SPTAN1: variants seen among roughly 807,000 people sequenced by gnomAD.
The protein encoded by SPTAN1 is spectrin alpha, non-erythrocytic 1.
A neutral mutation model predicts 331.3 loss-of-function variants in SPTAN1; 61 were observed. That is an observed-to-expected ratio of 0.18 (90% confidence interval 0.15 to 0.23). SPTAN1 has a LOEUF of 0.23. SPTAN1 is among the 10% of genes least tolerant of loss of function. SPTAN1 has a pLI of 1.00. For synonymous variants in SPTAN1, 1,153 were observed against 1,173.9 expected, an observed-to-expected ratio of 0.98 and a Z score of 0.36; for missense variants, 2,043 against 3,147.9, an observed-to-expected ratio of 0.65 and a Z score of 8.40.
At position 128,577,216 on chromosome 9, in the gene SPTAN1, G is replaced by A. The variant is rs891278524; in HGVS notation, c.873G>A (p.Gln291=). The A allele has an allele frequency of 1.9e-6, 3 of 1,614,078 alleles. No homozygotes were observed. Among genetic ancestry groups the A allele is most frequent in the South Asian group, 1.1e-5 (1 of 91,090 alleles). The change falls in exon 7 of 57, where the codon CAG becomes CAA. Residue 291 remains glutamine (Q), a synonymous_variant. Coordinates refer to ENST00000372739, the MANE Select transcript of SPTAN1 (RefSeq NM_001130438.3). The surrounding 1 kb of genome is among the most constrained non-coding windows in gnomAD (Gnocchi z 4.2). ...DDFGRDLASV[Q]ALLRKHEGLE... ...TTGGCCGAGACCTGGCAAGTGTTCA[G>A]GCTCTGCTTCGGAAGCACGAGGGTC... is the stretch of plus-strand genomic sequence containing the variant.
Position 128,568,907 on chromosome 9 carries a change from A to C in SPTAN1, c.363+10A>C, listed in dbSNP as rs186180680. On this transcript the variant is annotated intron_variant, in intron 3 of 56. Transcript: ENST00000372739. ...ATCTGAAACCATACGGGTGAGTATG[A>C]GTAGCTCGTGGAGTGGATGGCTTCA... 6.2e-7 allele frequency: 1 copy of C among 1,613,962 alleles called. No homozygotes were observed. Among genetic ancestry groups the C allele is most frequent in the African/African-American group, 1.3e-5 (1 of 75,046 alleles).
intron 31 of SPTAN1, among the ~76,000 whole-genome samples, chr9:128,605,861 A>G (rs1002103764): frequency 3.3e-5 from 5 of 152,026 alleles, no homozygotes; most frequent in Non-Finnish European, 7.4e-5. Context: ...GTGTGGTGGC[A>G]GGCATCTGTA....
intron 39 of SPTAN1, 103 bp downstream of exon 39, chr9:128,612,349 A>T: frequency 6.8e-7 from 1 of 1,461,732 alleles, no homozygotes; most frequent in Admixed American, 1.7e-5. Flanking sequence ...GGCTCACCAG[A>T]CACCCCTTTT....
intron 1 of SPTAN1, chr9:128,555,231 T>A: frequency 1.5e-6 from 1 of 677,802 alleles, no homozygotes; most frequent in South Asian, 1.8e-5. Flanking sequence ...ACTGAAAAAA[T>A]ATCTGAAATT....
In SPTAN1 at chr9:128,552,914, GCGC is replaced by G. The variant is rs1352082345; in HGVS notation, c.-4+225_-4+227del. ...GGAGGAGCAGCCGGGCCGAGGCTCG[GCGC>G]CGCCGCTGGAATGTCACTGACGGGG... On this transcript the variant is annotated intron_variant, in intron 1 of 56. Coordinates refer to ENST00000372739, the MANE Select transcript of SPTAN1 (RefSeq NM_001130438.3). This position sits in a 1 kb window ranked among gnomAD's most constrained non-coding sequence, Gnocchi z 4.6. 6.6e-6 allele frequency: 1 copy of G among 152,326 alleles called. No individual in the cohort carries two copies. Among genetic ancestry groups the G allele is most frequent in the Non-Finnish European group, 1.5e-5 (1 of 68,148 alleles). The allele number at this position is 152,326 out of a possible 1,614,324, so 9.4% of individuals were successfully genotyped here. A position where few individuals can be genotyped will look rare whatever the true frequency, so the allele number is the denominator to read the frequency against.
At chr9:128,603,499 C>T (rs1272239554) in intron 27 of SPTAN1, 44 bp from the exon 28 acceptor site, 2 of 1,611,612 alleles carry the variant, frequency 1.2e-6, no homozygotes, top group Non-Finnish European at 1.7e-6. Context: ...CTCTAATTGC[C>T]AGACACTTGA....
chr9:128,578,367 CATG>C, intron 9 of SPTAN1, 122 bp downstream of exon 9: 1 of 1,320,878 alleles, frequency 7.6e-7, no homozygotes, highest in Non-Finnish European at 1.1e-6. Context: ...TGTTTCTCAT[CATG>C]AGGATTATGG....
intron 31 of SPTAN1, among the ~76,000 whole-genome samples, chr9:128,605,928 G>C (rs989421764): frequency 6.6e-6 from 1 of 151,230 alleles, no homozygotes; most frequent in Non-Finnish European, 1.5e-5. Context: ...GGAGGCGGAG[G>C]TTGCAGTGAG....
At chr9:128,580,793 CT>C (rs1851847463) in intron 10 of SPTAN1, 128 bp from the exon 11 acceptor site, 1 of 1,320,042 alleles carries the variant, frequency 7.6e-7, no homozygotes, top group Non-Finnish European at 1.1e-6. Context: ...TGTTTTTCCC[CT>C]TTTGCAAATC....
chr9:128,604,938 A>C (rs1855630440), intron 29 of SPTAN1, 96 bp from the exon 30 acceptor site: 6 of 1,059,362 alleles, frequency 5.7e-6, no homozygotes, highest in Non-Finnish European at 7.9e-6. Context: ...ATCTCAGTAA[A>C]TAAATAAATA....
chr9:128,586,613 A>G (rs1790652791), intron 19 of SPTAN1, among the ~76,000 whole-genome samples: 1 of 151,976 alleles, frequency 6.6e-6, no homozygotes, highest in Non-Finnish European at 1.5e-5. Context: ...ACCTACAAAC[A>G]TACCAGCATA....
At chr9:128,555,431 CT>C (rs1201655907) in intron 1 of SPTAN1, 2 of 1,288,770 alleles carry the variant, frequency 1.6e-6, no homozygotes, top group Admixed American at 4.6e-5. Flanking sequence ...AACGGGTTGC[CT>C]TTTTGGTTTT....
chr9:128,582,801 G>A lies in SPTAN1; in HGVS notation c.1758G>A (p.Lys586=), dbSNP rs758019827. 14 of 1,613,902 alleles carry A rather than the reference G, an allele frequency of 8.7e-6. No individual in the cohort carries two copies. In the South Asian group the frequency reaches 1.3e-4, roughly 15 times the overall value. The change falls in exon 14 of 57, where the codon AAG becomes AAA. Residue 586 remains lysine (K), a synonymous_variant. Coordinates refer to ENST00000372739, the MANE Select transcript of SPTAN1 (RefSeq NM_001130438.3). ...TTTTCCGTGATTCTGATGAGCTCAA[G>A]AGTTGGGTCAATGAGAAGATGAAAA... is the stretch of plus-strand genomic sequence containing the variant. The part of the protein sequence containing the change: ...QQFFRDSDEL[K]SWVNEKMKTA...
Position 128,614,425 on chromosome 9 carries a change from C to T in SPTAN1, c.5148+940C>T, listed in dbSNP as rs1038499269. On this transcript the variant is annotated intron_variant, in intron 40 of 56. Coordinates refer to ENST00000372739, the MANE Select transcript of SPTAN1 (RefSeq NM_001130438.3). ...TGGGTAACACAGTGAAACCCCGTTT[C>T]TACTGAAATACAAAAAATTAGCAGG... Among the ~76,000 whole-genome samples the T allele has an allele frequency of 4.0e-4, 61 of 151,250 alleles. 1 individual carries two copies. The highest frequency in any genetic ancestry group is 1.5e-5 in the Non-Finnish European group (1 of 67,880).
intron 21 of SPTAN1, among the ~76,000 whole-genome samples, chr9:128,589,677 G>T (rs1170350734): frequency 7.2e-6 from 1 of 138,608 alleles, no homozygotes; most frequent in Middle Eastern, 4.1e-3. Context: ...CCAGGTTCAC[G>T]CCATTCTCCT....
chr9:128,585,320 C>T lies in SPTAN1; in HGVS notation c.2561-428C>T, dbSNP rs189011481. ...CTGGGATTACAGCCATGAGCCACCGCGCCTGGCTCCGAGCCTGAATTTCTT... is the reference window on the plus strand; with the variant it reads ...CTGGGATTACAGCCATGAGCCACCGTGCCTGGCTCCGAGCCTGAATTTCTT... On this transcript the variant is annotated intron_variant, in intron 18 of 56. Coordinates refer to ENST00000372739, the MANE Select transcript of SPTAN1 (RefSeq NM_001130438.3). Among the ~76,000 whole-genome samples, 673 of 152,192 alleles carry T rather than the reference C, an allele frequency of 4.4e-3. 4 individuals carry two copies. The highest frequency in any genetic ancestry group is 0.016 in the African/African-American group (647 of 41,514).
chr9:128,629,801 CCACTT>C lies in SPTAN1; in HGVS notation c.6708-519_6708-515del. 7.6e-6 allele frequency: 2 copies of C among 264,850 alleles called. No individual in the cohort carries two copies. Among genetic ancestry groups the C allele is most frequent in the Non-Finnish European group, 1.5e-5 (2 of 133,046 alleles). 16.4% of individuals were successfully genotyped at this position (264,850 alleles called of 1,614,324 possible). ...CAGTTGGTCGTGATCTCCCAGCACT[CCACTT>C]GTGTCCTTTGTCTGCAGGGTCGTGC... On this transcript the variant is annotated intron_variant, in intron 51 of 56. Coordinates refer to ENST00000372739, the MANE Select transcript of SPTAN1 (RefSeq NM_001130438.3). This position sits in a 1 kb window ranked among gnomAD's most constrained non-coding sequence, Gnocchi z 4.9.
intron 41 of SPTAN1, 78 bp from the exon 42 acceptor site, chr9:128,617,562 C>G (rs1857323268): frequency 6.2e-7 from 1 of 1,605,508 alleles, no homozygotes; most frequent in Non-Finnish European, 8.5e-7. Flanking sequence ...TCTGTGAGGT[C>G]CACAGTTGAC....
intron 39 of SPTAN1, 106 bp downstream of exon 39, chr9:128,612,352 C>G (rs1856662603): frequency 7.1e-7 from 1 of 1,404,096 alleles, no homozygotes; most frequent in Non-Finnish European, 1.0e-6. Flanking sequence ...TCACCAGACA[C>G]CCCTTTTGAC....
Sources: allele counts gnomAD v4.1 joint callset (sites outside exome capture counted in the v4.1 genomes callset), GRCh38; gene constraint gnomAD v4.1.1; non-coding constraint Gnocchi (gnomAD v3.1); transcripts MANE v1.5; gene names NCBI Gene and HGNC (gene_info 2026-07-23, HGNC 2026-07-21).